DNAJB4: variants seen among roughly 807,000 people sequenced by gnomAD.
The protein encoded by DNAJB4 is dnaJ homolog subfamily B member 4.
Under a neutral mutation model 26.6 loss-of-function variants are expected in DNAJB4, and 10 were observed. The ratio of observed to expected loss-of-function variants is 0.38; its 90% CI spans 0.23 to 0.64. DNAJB4 has a LOEUF of 0.64. Among genes scored for constraint, DNAJB4 ranks in the 30% least tolerant of loss-of-function variants. DNAJB4 has a pLI of 0.58. For synonymous variants in DNAJB4, 136 were observed against 134.8 expected (o/e 1.01, Z -0.06); for missense variants, 328 against 408.2 (o/e 0.80, Z 1.69).
At chr1:77,985,557 TGTTA>T (rs1167825920) in intron 1 of DNAJB4, among the ~76,000 whole-genome samples, 1 of 152,172 alleles carries the variant, frequency 6.6e-6, no homozygotes, top group Non-Finnish European at 1.5e-5. Context: ...CAAGCAAGAA[TGTTA>T]GTTTTAAAAA....
At chr1:77,986,537 A>G (rs562011218) in intron 1 of DNAJB4, among the ~76,000 whole-genome samples, 54 of 151,466 alleles carry the variant, frequency 3.6e-4, no homozygotes, top group African/African-American at 1.3e-3. Context: ...CTCAACTCCC[A>G]CTCCCCTTTG....
chr1:78,013,406 T>C lies in DNAJB4; in HGVS notation c.567T>C (p.Asp189=). ...TTTCTCGAAAAAGGCTAAACGCTGA[T>C]GGAAGGAGTTACAGATCTGAGGACA... ...MKISRKRLNA[D]GRSYRSEDKI... The change falls in exon 2 of 3, where the codon GAT becomes GAC. Residue 189 remains aspartate (D), a synonymous_variant. Coordinates refer to ENST00000370763, the MANE Select transcript of DNAJB4 (RefSeq NM_007034.5). The C allele has an allele frequency of 6.2e-7, 1 of 1,614,162 alleles. No individual in the cohort carries two copies. The highest frequency in any genetic ancestry group is 2.2e-5 in the East Asian group (1 of 44,884).
chr1:77,999,601 T>A lies in DNAJB4; in HGVS notation c.-31-5479T>A, dbSNP rs192734109. Among the ~76,000 whole-genome samples, 8 of 152,294 alleles carry A rather than the reference T, an allele frequency of 5.3e-5. No homozygotes were observed. In the East Asian group the frequency reaches 1.2e-3, roughly 22 times the overall value. On this transcript the variant is annotated intron_variant, in intron 1 of 2. Transcript: ENST00000426517. ...AAACTTCCTGAGTCAAAGGAGACTA[T>A]TTGTCAATAAACATCCAAGTGGTAG... is the stretch of plus-strand genomic sequence containing the variant.
intron 1 of DNAJB4, among the ~76,000 whole-genome samples, chr1:77,991,586 T>C (rs1246291133): frequency 1.3e-5 from 2 of 151,982 alleles, no homozygotes; most frequent in African/African-American, 4.8e-5. Context: ...TCCCACCATC[T>C]CTACACACAC....
At chr1:77,987,178 T>C (rs552791821) in intron 1 of DNAJB4, among the ~76,000 whole-genome samples, 2 of 152,366 alleles carry the variant, frequency 1.3e-5, no homozygotes, top group Admixed American at 6.5e-5. Flanking sequence ...TTGTGAGTGC[T>C]AGGACTCAAT....
chr1:77,994,607 T>C (rs1660018022), intron 1 of DNAJB4, among the ~76,000 whole-genome samples: 1 of 149,528 alleles, frequency 6.7e-6, no homozygotes, highest in Admixed American at 6.7e-5. Context: ...TTAACTACTC[T>C]CATTTTTCTA....
At chr1:77,979,287 T>G (rs1319598397), upstream of DNAJB4, 1 of 416,096 alleles carries the variant, frequency 2.4e-6, no homozygotes, top group African/African-American at 2.0e-5. Flanking sequence ...CTCCGCGCGT[T>G]CTTGGGGTGA....
upstream of DNAJB4, chr1:78,004,900 T>C: frequency 1.7e-6 from 1 of 577,410 alleles, no homozygotes; most frequent in East Asian, 2.9e-5. Context: ...GGCTGTCTCC[T>C]GTGTAGTGTA....
Position 78,005,189 on chromosome 1 carries a change from C to G in DNAJB4, c.79C>G (p.Gln27Glu), listed in dbSNP as rs1557508530. 6.2e-7 allele frequency: 1 copy of G among 1,614,088 alleles called. No homozygotes were observed. The highest frequency in any genetic ancestry group is 8.5e-7 in the Non-Finnish European group (1 of 1,179,992). The change falls in exon 1 of 3, where the codon CAA becomes GAA. Residue 27 changes from glutamine (Q) to glutamate (E), a missense_variant. Physicochemically the swap from Gln to Glu is conservative, Grantham distance 29. Transcript: ENST00000370763. Reference protein sequence around the residue: ...DEDIKKAYRKQALKFHPDKNK... With the variant: ...DEDIKKAYRKEALKFHPDKNK... ...AGATATTAAAAAGGCTTACCGAAAA[C>G]AAGCCCTCAAATTTCATCCGGACAA...
chr1:77,979,554 A>C, upstream of DNAJB4: 1 of 151,852 alleles, frequency 6.6e-6, no homozygotes, highest in Non-Finnish European at 1.5e-5. Flanking sequence ...TGCGTCCGAG[A>C]CGCCGCGCGG....
chr1:77,993,995 C>T (rs1660001856), intron 1 of DNAJB4, among the ~76,000 whole-genome samples: 1 of 152,092 alleles, frequency 6.6e-6, no homozygotes, highest in South Asian at 2.1e-4. Flanking sequence ...TTATTAAAGT[C>T]TTCGAATCAT....
intron 1 of DNAJB4, among the ~76,000 whole-genome samples, chr1:77,988,509 C>T (rs1234602653): frequency 6.6e-6 from 1 of 152,234 alleles, no homozygotes; most frequent in Non-Finnish European, 1.5e-5. Flanking sequence ...TCAACCCCTT[C>T]ACCATCTCTA....
chr1:77,998,248 T>C (rs1660111212), intron 1 of DNAJB4, among the ~76,000 whole-genome samples: 1 of 152,212 alleles, frequency 6.6e-6, no homozygotes, highest in African/African-American at 2.4e-5. Flanking sequence ...ATTTGCTGAG[T>C]GATTGAAATA....
Position 78,005,265 on chromosome 1 carries a change from A to T in DNAJB4, c.155A>T (p.Tyr52Phe). 1.2e-6 allele frequency: 2 copies of T among 1,614,082 alleles called. No homozygotes were observed. The highest frequency in any genetic ancestry group is 1.7e-6 in the Non-Finnish European group (2 of 1,179,958). ...AAATTTAAAGAGGTCGCAGAAGCTT[A>T]TGAAGTATTGAGTGATCCTAAAAAG... Reference protein sequence around the residue: ...EEKFKEVAEAYEVLSDPKKRE... With the variant: ...EEKFKEVAEAFEVLSDPKKRE... The change falls in exon 1 of 3, where the codon TAT becomes TTT. Residue 52 changes from tyrosine to phenylalanine, a missense_variant. Physicochemically the swap from Tyr to Phe is conservative, Grantham distance 22 (BLOSUM62 3). Coordinates refer to ENST00000370763, the MANE Select transcript of DNAJB4 (RefSeq NM_007034.5).
chr1:77,994,314 C>G (rs1660008542), intron 1 of DNAJB4, among the ~76,000 whole-genome samples: 1 of 151,208 alleles, frequency 6.6e-6, no homozygotes, highest in Non-Finnish European at 1.5e-5. Context: ...GGGAGGACTA[C>G]TTGAGCCCCG....
chr1:77,981,070 C>A (rs895270622), intron 1 of DNAJB4: 4 of 151,944 alleles, frequency 2.6e-5, no homozygotes, highest in Non-Finnish European at 5.9e-5. Flanking sequence ...ATGTAATTTA[C>A]CACAGTGCTA....
At chr1:77,992,557 G>A (rs1266368284) in intron 1 of DNAJB4, among the ~76,000 whole-genome samples, 1 of 152,016 alleles carries the variant, frequency 6.6e-6, no homozygotes. Flanking sequence ...CAATACAGAG[G>A]TATGATTATT....
intron 1 of DNAJB4, among the ~76,000 whole-genome samples, chr1:77,999,350 G>A (rs1407598301): frequency 6.6e-6 from 1 of 151,828 alleles, no homozygotes; most frequent in Non-Finnish European, 1.5e-5. Context: ...AGTATCAGAT[G>A]TATGTGAGAA....
intron 1 of DNAJB4, among the ~76,000 whole-genome samples, chr1:77,983,861 A>G (rs1479948799): frequency 1.3e-5 from 2 of 152,100 alleles, no homozygotes; most frequent in Non-Finnish European, 2.9e-5. Flanking sequence ...GTGCAGACAC[A>G]CTTGAGAACC....
Sources: gnomAD v4.1 joint callset for allele counts (sites outside exome capture counted in the v4.1 genomes callset) on GRCh38, gnomAD v4.1.1 for gene constraint, MANE v1.5 for transcripts, NCBI Gene and HGNC (gene_info 2026-07-23, HGNC 2026-07-21) for gene names.